The following TBL2 variants were observed in gnomAD, a reference collection of about 807,000 sequenced individuals.
TBL2 encodes transducin beta like 2.
Under a neutral mutation model 41.8 loss-of-function variants are expected in TBL2, and 33 were observed. The ratio of observed to expected loss-of-function variants is 0.79; its 90% confidence interval spans 0.60 to 1.06. The LOEUF (loss-of-function observed/expected upper bound fraction) is 1.06, where lower values mean the gene tolerates loss of function less well. Among genes scored for constraint, TBL2 ranks in the 50% least tolerant of loss-of-function variants. The pLI, the probability that TBL2 is intolerant of heterozygous loss-of-function variation, is 0.00. For synonymous variants in TBL2, 239 were observed against 241.7 expected (o/e 0.99, Z 0.10); for missense variants, 522 against 603.8 (o/e 0.86, Z 1.42).
rs140134641 is a variant in TBL2 at position 73,573,462 on chromosome 7, G to A, written c.456C>T (p.Ile152=). 26 of 1,613,870 alleles carry A rather than the reference G, an allele frequency of 1.6e-5. No homozygotes were observed. The highest frequency in any genetic ancestry group is 1.6e-4 in the Middle Eastern group (1 of 6,078). The part of the protein sequence containing the change: ...VRFSPDCRAF[I]VWLANGDTLR... ...GGGTGTCCCCGTTGGCCAGCCAGAC[G>A]ATGAAGGCTCTAGAGACAGGCAGCA... Residue 152 remains isoleucine, a synonymous_variant, in exon 4 of 7, where the codon ATC becomes ATT. Coordinates refer to ENST00000305632, the MANE Select transcript of TBL2 (RefSeq NM_012453.4).
intron 4 of TBL2, 77 bp from the exon 5 acceptor site, chr7:73,573,047 C>A: frequency 6.3e-7 from 1 of 1,590,476 alleles, no homozygotes; most frequent in South Asian, 1.1e-5. Context: ...CTTACAAGGC[C>A]TCTGCTGCCC....
At chr7:73,573,170 G>A (rs1315113493) in intron 4 of TBL2, 150 bp downstream of exon 4, 2 of 1,388,246 alleles carry the variant, frequency 1.4e-6, no homozygotes, top group African/African-American at 1.4e-5. Flanking sequence ...GGGACTCCAG[G>A]GGAGCACAGA....
chr7:73,573,776 A>T, intron 3 of TBL2, 162 bp downstream of exon 3: 1 of 883,516 alleles, frequency 1.1e-6, no homozygotes, highest in Non-Finnish European at 1.7e-6. Flanking sequence ...CCAGATCTCC[A>T]GGGAGCCCCA....
At position 73,570,724 on chromosome 7, in the gene TBL2, A is replaced by T; in HGVS notation, c.1127T>A (p.Ile376Asn). 1 of 1,614,140 alleles carries T rather than the reference A, an allele frequency of 6.2e-7. No homozygotes were observed. The highest frequency in any genetic ancestry group is 8.5e-7 in the Non-Finnish European group (1 of 1,180,034). Residue 376 changes from isoleucine (I) to asparagine (N), a missense_variant, in exon 7 of 7, where the codon ATC becomes AAC. Transcript: ENST00000305632. ...ECFERVHGEC[I>N]ANLSFDITGR... ...AGTGATGTCAAAGGACAAGTTGGCG[A>T]TACACTCGCCATGGACCCGCTCAAA...
Position 73,569,810 on chromosome 7 carries a change from A to C in TBL2, c.*697T>G, listed in dbSNP as rs1792813670. 1 of 152,234 alleles carries C rather than the reference A, an allele frequency of 6.6e-6. No homozygotes were observed. 9.4% of individuals were successfully genotyped at this position (152,234 alleles called of 1,614,324 possible). ...CCCAACCATATAAAATGTATGATCAAGTCCCAGAAAACTTTGCCTTCCCAA... is the reference window on the plus strand; with the variant it reads ...CCCAACCATATAAAATGTATGATCACGTCCCAGAAAACTTTGCCTTCCCAA... On this transcript the variant is annotated 3_prime_UTR_variant, in exon 7 of 7. Coordinates refer to ENST00000305632, the MANE Select transcript of TBL2 (RefSeq NM_012453.4).
At chr7:73,577,235 G>A (rs1027586503) in intron 1 of TBL2, among the ~76,000 whole-genome samples, 1 of 146,342 alleles carries the variant, frequency 6.8e-6, no homozygotes, top group Admixed American at 7.0e-5. Context: ...ACTCCAGATT[G>A]GGCGACAGAG....
At chr7:73,576,448 C>T (rs538172017) in intron 1 of TBL2, 1 of 335,672 alleles carries the variant, frequency 3.0e-6, no homozygotes, top group Non-Finnish European at 5.9e-6. Flanking sequence ...CGCCTGTAAT[C>T]CCAGCTACTC....
chr7:73,570,982 A>G lies in TBL2; in HGVS notation c.879-10T>C, dbSNP rs782186258. The G allele has an allele frequency of 6.3e-7, 1 of 1,588,462 alleles. No individual in the cohort carries two copies. Among genetic ancestry groups the G allele is most frequent in the South Asian group, 1.2e-5 (1 of 86,938 alleles). On this transcript the variant is annotated splice_polypyrimidine_tract_variant and intron_variant, in intron 6 of 6. Transcript: ENST00000305632. Reference sequence around the variant, plus strand: ...GGAGACAGAAGCCATCCTGCAACACAGAAAATCACAGCTCAAGCCCCAACA... The same window carrying G: ...GGAGACAGAAGCCATCCTGCAACACGGAAAATCACAGCTCAAGCCCCAACA...
chr7:73,573,892 G>T, intron 3 of TBL2, 46 bp downstream of exon 3: 1 of 1,599,588 alleles, frequency 6.3e-7, no homozygotes, highest in Non-Finnish European at 8.5e-7. Flanking sequence ...GCCAAAGCCT[G>T]GGACTAGGCC....
chr7:73,570,396 A>T lies in TBL2; in HGVS notation c.*111T>A. On this transcript the variant is annotated 3_prime_UTR_variant, in exon 7 of 7. Coordinates refer to ENST00000305632, the MANE Select transcript of TBL2 (RefSeq NM_012453.4). ...GGAAGAAGCAGGGCCACCAGTAAGA[A>T]AACCAGGAGACTCCTTCTGAAAGGC... 1 of 1,419,064 alleles carries T rather than the reference A, an allele frequency of 7.0e-7. No individual in the cohort carries two copies. Among genetic ancestry groups the T allele is most frequent in the South Asian group, 1.6e-5 (1 of 63,602 alleles). The allele number at this position is 1,419,064 out of a possible 1,614,324, so 87.9% of individuals were successfully genotyped here. A position where few individuals can be genotyped will look rare whatever the true frequency, so the allele number is the denominator to read the frequency against.
At chr7:73,574,268 C>A in intron 2 of TBL2, 115 bp downstream of exon 2, 2 of 1,526,390 alleles carry the variant, frequency 1.3e-6, no homozygotes, top group East Asian at 2.3e-5. Context: ...GAATTAAGCA[C>A]CCCCGCTGAT....
At chr7:73,572,103 T>C (rs1792997680) in intron 5 of TBL2, 1 of 155,944 alleles carries the variant, frequency 6.4e-6, no homozygotes. Flanking sequence ...AGTTCTTTTA[T>C]GTATGTGACC....
chr7:73,570,540 C>A lies in TBL2; in HGVS notation c.1311G>T (p.Glu437Asp). 1 of 1,592,888 alleles carries A rather than the reference C, an allele frequency of 6.3e-7. No individual in the cohort carries two copies. The highest frequency in any genetic ancestry group is 8.5e-7 in the Non-Finnish European group (1 of 1,170,276). The change falls in exon 7 of 7, where the codon GAG becomes GAT. Residue 437 changes from glutamate (E) to aspartate (D), a missense_variant. Physicochemically the swap from Glu to Asp is conservative, Grantham distance 45. Coordinates refer to ENST00000305632, the MANE Select transcript of TBL2 (RefSeq NM_012453.4). Reference sequence around the variant, plus strand: ...TCAGGGCACCCAGGCTCTTCAGGGTCTCTTGGGCCTGGGTCAGCTGCTGCT... The same window carrying A: ...TCAGGGCACCCAGGCTCTTCAGGGTATCTTGGGCCTGGGTCAGCTGCTGCT... ...RLQQQLTQAQ[E>D]TLKSLGALKK
chr7:73,575,934 C>T (rs1372688446), intron 1 of TBL2, among the ~76,000 whole-genome samples: 6 of 151,766 alleles, frequency 4.0e-5, no homozygotes, highest in African/African-American at 9.7e-5. Flanking sequence ...CCCAGCTATT[C>T]GGAGGCTGAG....
chr7:73,573,047 C>T, intron 4 of TBL2, 77 bp from the exon 5 acceptor site: 1 of 1,590,476 alleles, frequency 6.3e-7, no homozygotes, highest in Non-Finnish European at 8.6e-7. Flanking sequence ...CTTACAAGGC[C>T]TCTGCTGCCC....
chr7:73,573,567 C>T (rs1554588237), intron 3 of TBL2, 96 bp from the exon 4 acceptor site: 2 of 1,490,802 alleles, frequency 1.3e-6, no homozygotes, highest in African/African-American at 2.8e-5. Flanking sequence ...CAAGATCTCT[C>T]CTCATGCCCC....
chr7:73,573,133 C>G, intron 4 of TBL2, 163 bp from the exon 5 acceptor site: 1 of 1,369,758 alleles, frequency 7.3e-7, no homozygotes, highest in Non-Finnish European at 9.9e-7. Flanking sequence ...CCCTTCCCCA[C>G]CTTCCCTAGG....
intron 3 of TBL2, 72 bp from the exon 4 acceptor site, chr7:73,573,543 G>C (rs1177435297): frequency 1.3e-6 from 2 of 1,582,874 alleles, no homozygotes; most frequent in Admixed American, 3.6e-5. Context: ...CCTGTGCTGG[G>C]TTCTCGGGGA....
intron 1 of TBL2, among the ~76,000 whole-genome samples, chr7:73,577,125 G>A (rs946737227): frequency 7.2e-5 from 11 of 151,912 alleles, no homozygotes; most frequent in African/African-American, 2.4e-4. Flanking sequence ...GCCGGGTGTG[G>A]TGTCGGACGC....
Sources: gnomAD v4.1 joint callset for allele counts (sites outside exome capture counted in the v4.1 genomes callset) on GRCh38, gnomAD v4.1.1 for gene constraint, MANE v1.5 for transcripts, NCBI Gene and HGNC (gene_info 2026-07-23, HGNC 2026-07-21) for gene names.